CACNA2D3: variants seen among roughly 807,000 people sequenced by gnomAD.
The protein encoded by CACNA2D3 is voltage-dependent calcium channel subunit alpha-2/delta-3.
In CACNA2D3, 60 loss-of-function variants were observed where a neutral mutation model predicts 160.6. The ratio of observed to expected loss-of-function variants is 0.37; its 90% CI spans 0.30 to 0.46. The LOEUF is 0.46. Among genes scored for constraint, CACNA2D3 ranks in the 20% least tolerant of loss-of-function variants. The pLI is 1.00. For synonymous variants in CACNA2D3, 558 were observed against 492.9 expected (o/e 1.13, Z -1.75); for missense variants, 1,205 against 1,365.0 (o/e 0.88, Z 1.85).
intron 2 of CACNA2D3, among the ~76,000 whole-genome samples, chr3:54,171,136 CTTTTTTT>C (rs57761171): frequency 2.6e-4 from 16 of 62,560 alleles, no homozygotes; most frequent in East Asian, 1.3e-3. Context: ...AAGATGATGA[CTTTTTTT>C]TTTTTTTTTT....
chr3:54,444,357 G>C (rs1046639437), intron 4 of CACNA2D3, among the ~76,000 whole-genome samples: 1 of 152,022 alleles, frequency 6.6e-6, no homozygotes, highest in Non-Finnish European at 1.5e-5. Context: ...CTCAAGTCTT[G>C]GTTCTCCAGC....
At chr3:54,638,996 C>T (rs931604182) in intron 10 of CACNA2D3, 1 of 151,954 alleles carries the variant, frequency 6.6e-6, no homozygotes, top group Non-Finnish European at 1.5e-5. Flanking sequence ...AGTAGAGACA[C>T]GGAGAAGGGG....
intron 13 of CACNA2D3, among the ~76,000 whole-genome samples, chr3:54,801,352 A>G (rs1559586784): frequency 6.6e-6 from 1 of 152,120 alleles, no homozygotes; most frequent in Non-Finnish European, 1.5e-5. Context: ...TCAGAAAGAG[A>G]GAACCTTGCT....
intron 9 of CACNA2D3, among the ~76,000 whole-genome samples, chr3:54,594,351 C>A (rs1702914720): frequency 6.6e-6 from 1 of 152,078 alleles, no homozygotes; most frequent in Non-Finnish European, 1.5e-5. Flanking sequence ...AGGTGGCAGG[C>A]AAAATATGGC....
At chr3:54,390,969 A>T (rs1241699520) in intron 4 of CACNA2D3, among the ~76,000 whole-genome samples, 1 of 151,820 alleles carries the variant, frequency 6.6e-6, no homozygotes, top group African/African-American at 2.4e-5. Flanking sequence ...TTAGCTCAGG[A>T]GGAGTACAGG....
At chr3:54,642,575 A>G (rs1022792207) in intron 11 of CACNA2D3, among the ~76,000 whole-genome samples, 5 of 152,210 alleles carry the variant, frequency 3.3e-5, no homozygotes, top group South Asian at 4.2e-4. Context: ...CCCAGCATCT[A>G]TACAATGGTG....
chr3:54,478,454 A>G (rs964342165), intron 4 of CACNA2D3, among the ~76,000 whole-genome samples: 1 of 151,560 alleles, frequency 6.6e-6, no homozygotes, highest in African/African-American at 2.4e-5. Flanking sequence ...AACACGGTGA[A>G]ACCCTGTCTC....
chr3:54,504,079 C>T (rs1457038616), intron 5 of CACNA2D3, among the ~76,000 whole-genome samples: 1 of 152,112 alleles, frequency 6.6e-6, no homozygotes, highest in Non-Finnish European at 1.5e-5. Flanking sequence ...AGTCTTCTGA[C>T]CCCTGATGTG....
chr3:54,713,492 G>A (rs1575436199), intron 11 of CACNA2D3, among the ~76,000 whole-genome samples: 1 of 152,236 alleles, frequency 6.6e-6, no homozygotes, highest in African/African-American at 2.4e-5. Flanking sequence ...CTGTGTAAGA[G>A]AAGGAGTGCT....
intron 27 of CACNA2D3, chr3:54,927,852 A>T: frequency 6.3e-7 from 1 of 1,597,002 alleles, no homozygotes; most frequent in Non-Finnish European, 8.6e-7. Flanking sequence ...GTGAGGGGAT[A>T]CCATCTTTCT....
intron 2 of CACNA2D3, among the ~76,000 whole-genome samples, chr3:54,287,549 T>C (rs1230771365): frequency 6.1e-5 from 9 of 147,246 alleles, no homozygotes; most frequent in East Asian, 2.0e-4. Flanking sequence ...TACCCAGGAA[T>C]TGAACTCAGC....
At chr3:54,405,853 CA>C (rs34578123) in intron 4 of CACNA2D3, among the ~76,000 whole-genome samples, 3,766 of 149,948 alleles carry the variant, frequency 0.025, 63 homozygotes, top group South Asian at 0.058. Context: ...AACTCAATAG[CA>C]AAAAAAAAAA....
At chr3:54,596,991 A>G (rs1485960860) in intron 9 of CACNA2D3, among the ~76,000 whole-genome samples, 2 of 152,030 alleles carry the variant, frequency 1.3e-5, no homozygotes, top group Non-Finnish European at 2.9e-5. Flanking sequence ...TCTCATGGAC[A>G]ACATTGTGGT....
chr3:54,178,972 T>A (rs936990866), intron 2 of CACNA2D3, among the ~76,000 whole-genome samples: 3 of 152,018 alleles, frequency 2.0e-5, no homozygotes, highest in Admixed American at 6.6e-5. Context: ...CTTTTTTTTT[T>A]AAATTTAGCA....
chr3:54,134,582 GT>G (rs1699782240), intron 2 of CACNA2D3, among the ~76,000 whole-genome samples: 1 of 152,182 alleles, frequency 6.6e-6, no homozygotes, highest in Non-Finnish European at 1.5e-5. Flanking sequence ...CAACGCCAGG[GT>G]TTTATGAATC....
At chr3:54,606,075 CA>C (rs1388291759) in intron 9 of CACNA2D3, among the ~76,000 whole-genome samples, 1 of 151,996 alleles carries the variant, frequency 6.6e-6, no homozygotes, top group Non-Finnish European at 1.5e-5. Flanking sequence ...AGCAATGAAT[CA>C]GGGGAAGGGG....
chr3:54,747,205 A>G (rs1436749329), intron 11 of CACNA2D3, among the ~76,000 whole-genome samples: 2 of 152,082 alleles, frequency 1.3e-5, no homozygotes, highest in African/African-American at 4.8e-5. Context: ...TTTAAAATGT[A>G]TATCCCTGGG....
intron 2 of CACNA2D3, among the ~76,000 whole-genome samples, chr3:54,215,414 T>C (rs956264902): frequency 2.0e-4 from 31 of 152,264 alleles, no homozygotes; most frequent in Non-Finnish European, 3.7e-4. Flanking sequence ...GCAGCTATTC[T>C]GTGCAATAGA....
intron 5 of CACNA2D3, among the ~76,000 whole-genome samples, chr3:54,508,019 A>G (rs1023352301): frequency 6.6e-6 from 1 of 152,228 alleles, no homozygotes; most frequent in Non-Finnish European, 1.5e-5. Flanking sequence ...AGGTGATGGC[A>G]TTAAAAGGGG....
Sources: allele counts gnomAD v4.1 joint callset (sites outside exome capture counted in the v4.1 genomes callset), GRCh38; gene constraint gnomAD v4.1.1; transcripts MANE v1.5; gene names NCBI Gene and HGNC (gene_info 2026-07-23, HGNC 2026-07-21).